RBBP5: variants seen among roughly 807,000 people sequenced by gnomAD.
RBBP5 encodes retinoblastoma-binding protein 5.
Under a neutral mutation model 72.2 loss-of-function variants are expected in RBBP5, and 5 were observed. The ratio of observed to expected loss-of-function variants is 0.07; its 90% CI spans 0.04 to 0.15. RBBP5 has a LOEUF of 0.15. Ranked by LOEUF, RBBP5 falls within the 10% of genes least tolerant of loss-of-function variation. RBBP5 has a pLI of 1.00. For synonymous variants in RBBP5, 209 were observed against 237.2 expected (o/e 0.88, Z 1.09); for missense variants, 322 against 652.2 (o/e 0.49, Z 5.51).
rs1655158485 is a variant in RBBP5, at chr1:205,086,833, C to G, written c.*1954G>C. The G allele has an allele frequency of 6.6e-6, 1 of 152,178 alleles. No homozygotes were observed. The allele number at this position is 152,178 out of a possible 1,614,324, so 9.4% of individuals were successfully genotyped here. On this transcript the variant is annotated 3_prime_UTR_variant, in exon 14 of 14. Coordinates refer to ENST00000264515, the MANE Select transcript of RBBP5 (RefSeq NM_005057.4). Reference sequence around the variant, plus strand: ...AGCTACTTCACACGTGGAAAGATGGCAGAAACCCTCTAAGTCCCATAGTTT... The same window carrying G: ...AGCTACTTCACACGTGGAAAGATGGGAGAAACCCTCTAAGTCCCATAGTTT...
At chr1:205,119,709 C>T (rs1410811601) in intron 1 of RBBP5, among the ~76,000 whole-genome samples, 1 of 152,222 alleles carries the variant, frequency 6.6e-6, no homozygotes, top group Admixed American at 6.5e-5. Context: ...AGACGCCACA[C>T]CAATCTGTAC....
chr1:205,092,341 G>T (rs1023442487), intron 13 of RBBP5, among the ~76,000 whole-genome samples: 2 of 152,130 alleles, frequency 1.3e-5, no homozygotes, highest in Non-Finnish European at 2.9e-5. Context: ...TAGAGACAGG[G>T]TCTCACTATG....
In RBBP5 at chr1:205,088,674, G is replaced by T; in HGVS notation, c.*113C>A. The T allele has an allele frequency of 9.1e-7, 1 of 1,094,948 alleles. No homozygotes were observed. Among genetic ancestry groups the T allele is most frequent in the Non-Finnish European group, 1.3e-6 (1 of 751,532 alleles). 67.8% of individuals were successfully genotyped at this position (1,094,948 alleles called of 1,614,324 possible). On this transcript the variant is annotated 3_prime_UTR_variant, in exon 14 of 14. Transcript: ENST00000264515. ...TAAAATTCACCCTCCCACCTCCTGGGTGGGAGGCACAGGCCTTTGTTTTAA... is the reference window on the plus strand; with the variant it reads ...TAAAATTCACCCTCCCACCTCCTGGTTGGGAGGCACAGGCCTTTGTTTTAA...
chr1:205,113,286 C>CT (rs36041282), intron 3 of RBBP5, among the ~76,000 whole-genome samples: 15,305 of 145,194 alleles, frequency 0.11, 1,425 homozygotes, highest in African/African-American at 0.25. Context: ...GGTAAGAGTT[C>CT]TTTTTTTTTT....
chr1:205,099,723 G>A lies in RBBP5; in HGVS notation c.978+18C>T, dbSNP rs1276513993. Reference sequence around the variant, plus strand: ...GAAGGGGTAACTAGTTTCGAAGCAAGTAAAATAGAATACTTACTACTTGAT... The same window carrying A: ...GAAGGGGTAACTAGTTTCGAAGCAAATAAAATAGAATACTTACTACTTGAT... On this transcript the variant is annotated intron_variant, in intron 9 of 13. Coordinates refer to ENST00000264515, the MANE Select transcript of RBBP5 (RefSeq NM_005057.4). This position sits in a 1 kb window ranked among gnomAD's most constrained non-coding sequence, Gnocchi z 4.7. 1 of 1,591,686 alleles carries A rather than the reference G, an allele frequency of 6.3e-7. No individual in the cohort carries two copies. Among genetic ancestry groups the A allele is most frequent in the East Asian group, 2.2e-5 (1 of 44,776 alleles).
At position 205,088,482 on chromosome 1, in the gene RBBP5, G is replaced by GT. The variant is rs1655213390; in HGVS notation, c.*304dup. 1 of 345,510 alleles carries GT rather than the reference G, an allele frequency of 2.9e-6. No homozygotes were observed. The highest frequency in any genetic ancestry group is 5.2e-6 in the Non-Finnish European group (1 of 191,576). 21.4% of individuals were successfully genotyped at this position (345,510 alleles called of 1,614,324 possible). On this transcript the variant is annotated 3_prime_UTR_variant, in exon 14 of 14. Transcript: ENST00000264515. ...ATGAAGTTAGATGAGCAAAACATAA[G>GT]TATCTTTTCTCCAGCAACATAACTA...
intron 11 of RBBP5, 91 bp from the exon 12 acceptor site, chr1:205,097,002 T>C: frequency 8.8e-7 from 1 of 1,134,232 alleles, no homozygotes. Flanking sequence ...ATATTAAGCA[T>C]AAGCAACAGG....
chr1:205,089,703 A>C (rs868047991), intron 13 of RBBP5, among the ~76,000 whole-genome samples: 17 of 152,374 alleles, frequency 1.1e-4, no homozygotes, highest in South Asian at 4.1e-4. Flanking sequence ...AATGAGATAC[A>C]AACTTTCTAC....
intron 2 of RBBP5, 87 bp from the exon 3 acceptor site, chr1:205,115,048 C>T: frequency 8.3e-7 from 1 of 1,200,526 alleles, no homozygotes; most frequent in Non-Finnish European, 1.2e-6. Flanking sequence ...ACTTGTGATA[C>T]TTTTATTGAA....
chr1:205,096,469 T>A (rs2102271555), intron 12 of RBBP5, among the ~76,000 whole-genome samples: 1 of 152,270 alleles, frequency 6.6e-6, no homozygotes, highest in South Asian at 2.1e-4. Context: ...AAGTGCAGCA[T>A]CTTAGGCAAA....
intron 13 of RBBP5, among the ~76,000 whole-genome samples, chr1:205,093,554 A>ACACACACACACACG (rs1553352212): frequency 4.9e-5 from 6 of 123,434 alleles, no homozygotes; most frequent in East Asian, 2.2e-4. Context: ...ACACACACAC[A>ACACACACACACACG]CACACACACA....
At chr1:205,113,227 T>C (rs985858036) in intron 3 of RBBP5, among the ~76,000 whole-genome samples, 1 of 152,156 alleles carries the variant, frequency 6.6e-6, no homozygotes, top group Non-Finnish European at 1.5e-5. Context: ...CATGATTTTC[T>C]AGAATAAGTA....
At chr1:205,089,383 T>G (rs141732447) in intron 13 of RBBP5, among the ~76,000 whole-genome samples, 125 of 152,278 alleles carry the variant, frequency 8.2e-4, no homozygotes, top group Non-Finnish European at 1.3e-3. Flanking sequence ...TCCTGAATAG[T>G]ACAATGAAAT....
intron 4 of RBBP5, among the ~76,000 whole-genome samples, chr1:205,104,307 G>C (rs1655963220): frequency 6.6e-6 from 1 of 150,392 alleles, no homozygotes; most frequent in Non-Finnish European, 1.5e-5. Flanking sequence ...CAGATCACTT[G>C]AGGTCAGGAG....
At chr1:205,116,656 A>T (rs111528352) in intron 1 of RBBP5, among the ~76,000 whole-genome samples, 1 of 152,136 alleles carries the variant, frequency 6.6e-6, no homozygotes, top group Non-Finnish European at 1.5e-5. Flanking sequence ...TCTACTAAAA[A>T]TACAAAAATT....
At chr1:205,112,272 C>T (rs1025310670) in intron 3 of RBBP5, among the ~76,000 whole-genome samples, 3 of 151,942 alleles carry the variant, frequency 2.0e-5, no homozygotes, top group Non-Finnish European at 1.5e-5. Flanking sequence ...GAGCCGAGAT[C>T]GCACCACTGC....
At chr1:205,089,404 C>T (rs1655251062) in intron 13 of RBBP5, among the ~76,000 whole-genome samples, 1 of 152,158 alleles carries the variant, frequency 6.6e-6, no homozygotes, top group African/African-American at 2.4e-5. Context: ...GAACACTTCC[C>T]TGATTATTCC....
intron 3 of RBBP5, among the ~76,000 whole-genome samples, chr1:205,113,840 A>C (rs188363973): frequency 6.6e-6 from 1 of 152,164 alleles, no homozygotes; most frequent in East Asian, 1.9e-4. Flanking sequence ...ACCCGCCAAC[A>C]TGCCTGGCGA....
At chr1:205,096,990 C>A in intron 11 of RBBP5, 79 bp from the exon 12 acceptor site, 1 of 1,267,890 alleles carries the variant, frequency 7.9e-7, no homozygotes, top group Non-Finnish European at 1.1e-6. Context: ...CCTCTATCAC[C>A]TATATTAAGC....
Sources: gnomAD v4.1 joint callset for allele counts (sites outside exome capture counted in the v4.1 genomes callset) on GRCh38, gnomAD v4.1.1 for gene constraint, Gnocchi (gnomAD v3.1) non-coding constraint, MANE v1.5 for transcripts, NCBI Gene and HGNC (gene_info 2026-07-23, HGNC 2026-07-21) for gene names.